Variants in KLHL1 observed in about 807,000 individuals in gnomAD.
The protein encoded by KLHL1 is kelch like family member 1, also known as kelch-like protein 1.
KLHL1 carries 47 observed loss-of-function variants against 77.7 expected under a neutral mutation model. The ratio of observed to expected loss-of-function variants is 0.60; its 90% CI spans 0.48 to 0.77. The LOEUF is 0.77. Ranked by LOEUF, KLHL1 falls within the 30% of genes least tolerant of loss-of-function variation. The pLI is 0.00. For missense variants in KLHL1, 925 were observed against 910.8 expected, an observed-to-expected ratio of 1.02 and a Z score of -0.20; for synonymous variants, 360 against 325.2, an observed-to-expected ratio of 1.11 and a Z score of -1.15.
intron 8 of KLHL1, among the ~76,000 whole-genome samples, chr13:69,731,838 G>T (rs1593781047): frequency 1.3e-5 from 2 of 151,944 alleles, no homozygotes; most frequent in African/African-American, 4.8e-5. Flanking sequence ...AAAATTAAGA[G>T]ACTTAAATAT....
intron 5 of KLHL1, among the ~76,000 whole-genome samples, chr13:69,862,628 A>C (rs933013207): frequency 2.6e-5 from 4 of 152,052 alleles, no homozygotes; most frequent in Non-Finnish European, 4.4e-5. Flanking sequence ...TCATATGTTG[A>C]AGCGTTAACC....
At chr13:69,741,842 A>T (rs9572256) in intron 7 of KLHL1, among the ~76,000 whole-genome samples, 31,183 of 152,066 alleles carry the variant, frequency 0.21, 3,311 homozygotes, top group South Asian at 0.3. Flanking sequence ...AGTCATTAAG[A>T]TATTCTATCT....
intron 1 of KLHL1, among the ~76,000 whole-genome samples, chr13:70,028,796 G>C (rs1444077456): frequency 1.3e-5 from 2 of 151,914 alleles, no homozygotes; most frequent in Non-Finnish European, 2.9e-5. Context: ...TCGCAATGTG[G>C]CGAAACTTCA....
intron 2 of KLHL1, among the ~76,000 whole-genome samples, chr13:69,974,140 A>C (rs1206291004): frequency 2.0e-5 from 3 of 151,988 alleles, no homozygotes; most frequent in Admixed American, 2.0e-4. Flanking sequence ...TAACAGTGTA[A>C]AGAAAATATA....
intron 9 of KLHL1, among the ~76,000 whole-genome samples, chr13:69,711,206 C>A (rs1230284296): frequency 6.6e-6 from 1 of 151,934 alleles, no homozygotes; most frequent in African/African-American, 2.4e-5. Context: ...GAGAATGTTT[C>A]TTTTCCCAAG....
intron 6 of KLHL1, among the ~76,000 whole-genome samples, chr13:69,807,503 C>A (rs1392007239): frequency 1.3e-5 from 2 of 152,096 alleles, no homozygotes; most frequent in Non-Finnish European, 2.9e-5. Context: ...ACCTACTAGA[C>A]TGCTGTTGTT....
chr13:69,910,186 A>G (rs1334039029), intron 4 of KLHL1, among the ~76,000 whole-genome samples: 1 of 152,086 alleles, frequency 6.6e-6, no homozygotes, highest in Non-Finnish European at 1.5e-5. Flanking sequence ...AAATAATTAT[A>G]CTAAGTTAAA....
intron 1 of KLHL1, among the ~76,000 whole-genome samples, chr13:70,026,816 T>A (rs8000910): frequency 0.59 from 88,646 of 151,284 alleles, 28,174 homozygotes; most frequent in East Asian, 0.81. Flanking sequence ...TGTATGTTAA[T>A]GGATAAAATA....
rs532063368 is a variant in KLHL1, at chr13:69,924,152, C to T, written c.1014+15888G>A. Among the ~76,000 whole-genome samples the T allele has an allele frequency of 2.6e-5, 4 of 152,332 alleles. No homozygotes were observed. The East Asian group carries it at 5.8e-4, about 22-fold the overall frequency. On this transcript the variant is annotated intron_variant, in intron 4 of 10. Coordinates refer to ENST00000377844, the MANE Select transcript of KLHL1 (RefSeq NM_020866.3). ...GGCCAAGGAGGGAGCTTGGTGCTGG[C>T]TTGCAGGTGCTCCTCAGCACAAACA...
intron 1 of KLHL1, among the ~76,000 whole-genome samples, chr13:70,095,017 G>A (rs536204267): frequency 1.5e-4 from 23 of 152,142 alleles, no homozygotes; most frequent in Non-Finnish European, 2.6e-4. Flanking sequence ...GTCTGAGCCT[G>A]GGTATCTCTC....
At chr13:69,752,244 C>T (rs537127716) in intron 7 of KLHL1, among the ~76,000 whole-genome samples, 84 of 152,096 alleles carry the variant, frequency 5.5e-4, no homozygotes, top group African/African-American at 1.9e-3. Flanking sequence ...TGTAGAGATA[C>T]GAGAAGAGAC....
At chr13:70,087,551 A>AAG (rs1887575090) in intron 1 of KLHL1, among the ~76,000 whole-genome samples, 1 of 151,990 alleles carries the variant, frequency 6.6e-6, no homozygotes, top group Admixed American at 6.5e-5. Flanking sequence ...CTTAAAAAAA[A>AAG]AAAAAAAGAA....
intron 6 of KLHL1, among the ~76,000 whole-genome samples, chr13:69,838,565 CTATT>C (rs1442279643): frequency 6.6e-6 from 1 of 151,750 alleles, no homozygotes; most frequent in Admixed American, 6.6e-5. Context: ...TTATAATTGT[CTATT>C]TATTTATCTG....
intron 8 of KLHL1, among the ~76,000 whole-genome samples, chr13:69,734,855 G>A (rs1276440206): frequency 6.6e-6 from 1 of 152,054 alleles, no homozygotes; most frequent in Non-Finnish European, 1.5e-5. Context: ...TCTTTCTCAT[G>A]CTCAAGAAAA....
chr13:69,715,383 T>G (rs1169379097), intron 9 of KLHL1, among the ~76,000 whole-genome samples: 1 of 152,104 alleles, frequency 6.6e-6, no homozygotes, highest in Non-Finnish European at 1.5e-5. Context: ...TCCTCCTTCG[T>G]GCACTCCCTT....
intron 1 of KLHL1, among the ~76,000 whole-genome samples, chr13:70,093,093 C>T (rs1411358774): frequency 6.6e-6 from 1 of 151,756 alleles, no homozygotes; most frequent in Non-Finnish European, 1.5e-5. Context: ...ATTATTTAAC[C>T]TTAAAACATG....
intron 1 of KLHL1, among the ~76,000 whole-genome samples, chr13:70,049,122 T>C (rs1185993535): frequency 6.6e-6 from 1 of 152,192 alleles, no homozygotes; most frequent in Non-Finnish European, 1.5e-5. Context: ...TTTTAACTAA[T>C]TGATTTTATT....
At chr13:69,859,326 C>T (rs1265982383) in intron 5 of KLHL1, among the ~76,000 whole-genome samples, 3 of 151,094 alleles carry the variant, frequency 2.0e-5, no homozygotes, top group African/African-American at 7.3e-5. Flanking sequence ...CACTTGACTT[C>T]CTCGCTGATT....
intron 6 of KLHL1, among the ~76,000 whole-genome samples, chr13:69,797,422 T>G (rs894216133): frequency 6.6e-6 from 1 of 152,230 alleles, no homozygotes; most frequent in South Asian, 2.1e-4. Flanking sequence ...TCTTTAAATT[T>G]GTCATACGCC....
Sources: allele counts gnomAD v4.1 joint callset (sites outside exome capture counted in the v4.1 genomes callset), GRCh38; gene constraint gnomAD v4.1.1; transcripts MANE v1.5; gene names NCBI Gene and HGNC (gene_info 2026-07-23, HGNC 2026-07-21).